CTC1: variants seen among roughly 807,000 people sequenced by gnomAD.
The protein encoded by CTC1 is CST telomere replication complex component 1.
In CTC1, 91 loss-of-function variants were observed where a neutral mutation model predicts 136.3. That is an observed-to-expected ratio of 0.67 (90% CI 0.56 to 0.79). CTC1 has a LOEUF of 0.79. Ranked by LOEUF, CTC1 falls within the 30% of genes least tolerant of loss-of-function variation. CTC1 has a pLI of 0.00. For missense variants in CTC1, 1,432 were observed against 1,498.1 expected, an observed-to-expected ratio of 0.96 and a Z score of 0.73; for synonymous variants, 606 against 613.8, an observed-to-expected ratio of 0.99 and a Z score of 0.19.
intron 10 of CTC1, 131 bp from the exon 11 acceptor site, chr17:8,233,163 A>C: frequency 4.1e-6 from 4 of 984,796 alleles, no homozygotes; most frequent in Non-Finnish European, 4.5e-6. Context: ...GGCTTCAAAA[A>C]ACTTATATTC....
In CTC1 at chr17:8,248,041, C is replaced by T. The variant is rs932054674; in HGVS notation, c.-5G>A. The T allele has an allele frequency of 2.0e-6, 3 of 1,527,306 alleles. No individual in the cohort carries two copies. The highest frequency in any genetic ancestry group is 1.8e-5 in the Admixed American group (1 of 56,784). 94.6% of individuals were successfully genotyped at this position (1,527,306 alleles called of 1,614,324 possible). ...CTGGGCCCGGCCAGCCGCCATGATG[C>T]GCCGGAGCTCCGCCCCCGGGAGGGG... On this transcript the variant is annotated 5_prime_UTR_variant, in exon 1 of 23. Transcript: ENST00000651323.
At chr17:8,246,615 A>G (rs1330237330) in intron 1 of CTC1, among the ~76,000 whole-genome samples, 1 of 152,076 alleles carries the variant, frequency 6.6e-6, no homozygotes, top group Non-Finnish European at 1.5e-5. Flanking sequence ...GGCTGGGTGC[A>G]GTGGCTCACG....
chr17:8,242,579 T>TATATAC (rs1248128493), intron 2 of CTC1, among the ~76,000 whole-genome samples: 7 of 127,930 alleles, frequency 5.5e-5, no homozygotes, highest in African/African-American at 2.0e-4. Context: ...TATATATATA[T>TATATAC]ACACATATAT....
At chr17:8,240,160 T>TTC (rs1262667900) in intron 2 of CTC1, among the ~76,000 whole-genome samples, 1 of 151,098 alleles carries the variant, frequency 6.6e-6, no homozygotes, top group African/African-American at 2.4e-5. Context: ...CTGTCTCTTT[T>TTC]TTTTTTTTTT....
chr17:8,238,352 TG>T (rs753256099), intron 3 of CTC1, 39 bp downstream of exon 3: 2 of 1,586,982 alleles, frequency 1.3e-6, no homozygotes, highest in Admixed American at 1.7e-5. Flanking sequence ...ACACCATTCT[TG>T]TCAGGATCTG....
rs772472897 is a variant in CTC1 at position 8,231,279 on chromosome 17, T to A, written c.2666A>T (p.Asp889Val). 6.4e-7 allele frequency: 1 copy of A among 1,550,580 alleles called. No homozygotes were observed. The highest frequency in any genetic ancestry group is 1.2e-5 in the South Asian group (1 of 83,536). The change falls in exon 15 of 23, where the codon GAC becomes GTC. Residue 889 changes from aspartate (D) to valine (V), a missense_variant. Physicochemically the swap from Asp to Val is radical, Grantham distance 152. Transcript: ENST00000651323. Reference protein sequence around the residue: ...PESSLTDLLSDNFTDSLVSFS... With the variant: ...PESSLTDLLSVNFTDSLVSFS... ...GAGGGGCTTGGTGGACATTTACTTG[T>A]CACTGAGCAGGTCGGTCAGTGAGGA...
chr17:8,234,622 TG>T lies in CTC1; in HGVS notation c.1650del (p.Thr551LeufsTer5). On this transcript the variant is annotated frameshift_variant, in exon 10 of 23. Transcript: ENST00000651323. LOFTEE classifies it high-confidence loss of function. ...CCTTCTTCTTTCAGGGTGGCCAGAG[TG>T]GGGAAGGAGGAGGGAGTCTGCAGCC... ...YTRLQTPSSF[P>X]TLATLKEEGQ... is the part of the protein sequence containing the mutation. 6.2e-7 allele frequency: 1 copy of T among 1,612,400 alleles called. No homozygotes were observed.
chr17:8,230,001 G>A, intron 17 of CTC1, 33 bp from the exon 18 acceptor site: 17 of 1,602,936 alleles, frequency 1.1e-5, no homozygotes, highest in Non-Finnish European at 1.4e-5. Flanking sequence ...GAGTGACCAG[G>A]AAGACAAGGC....
Position 8,243,096 on chromosome 17 carries a change from G to A in CTC1, c.86C>T (p.Pro29Leu). 1 of 1,613,924 alleles carries A rather than the reference G, an allele frequency of 6.2e-7. No individual in the cohort carries two copies. Among genetic ancestry groups the A allele is most frequent in the Non-Finnish European group, 8.5e-7 (1 of 1,179,898 alleles). The change falls in exon 2 of 23, where the codon CCA (proline) becomes CTA (leucine). Residue 29 changes from proline to leucine, a missense_variant. By Grantham distance (98) the Pro-to-Leu change is moderately conservative. Transcript: ENST00000651323. ...CTGGACATTAGGCTCCTTGACAGCT[G>A]GACACAGGGTCTTTTGGATGAAGAC... Reference protein sequence around the residue: ...AQVFIQKTLCPAVKEPNVQLT... With the variant: ...AQVFIQKTLCLAVKEPNVQLT...
chr17:8,240,155 TC>T (rs1335105563), intron 2 of CTC1, among the ~76,000 whole-genome samples: 1 of 121,704 alleles, frequency 8.2e-6, no homozygotes, highest in Non-Finnish European at 1.9e-5. Flanking sequence ...GAGAACTGTC[TC>T]TTTTTTTTTT....
At position 8,239,089 on chromosome 17, in the gene CTC1, C is replaced by CAA. The variant is rs778191636; in HGVS notation, c.198-462_198-461dup. 8.2e-3 allele frequency among the ~76,000 whole-genome samples: 396 copies of CAA among 48,532 alleles called. 3 individuals carry two copies. The highest frequency in any genetic ancestry group is 0.024 in the African/African-American group (360 of 14,854). 31.8% of individuals were successfully genotyped at this position (48,532 alleles called of 152,430 possible). A position where few individuals can be genotyped will look rare whatever the true frequency, so the allele number is the denominator to read the frequency against. ...CTTGGGCAACAGAGTGAGACTGTCTCAAAAAAAAAAAAAAAAAAAAAGGAA... is the reference window on the plus strand; with the variant it reads ...CTTGGGCAACAGAGTGAGACTGTCTCAAAAAAAAAAAAAAAAAAAAAAAGGAA... On this transcript the variant is annotated intron_variant, in intron 2 of 22. Transcript: ENST00000651323.
Position 8,238,464 on chromosome 17 carries a change from C to T in CTC1, c.363G>A (p.Ser121=), listed in dbSNP as rs770555372. The T allele has an allele frequency of 2.2e-5, 36 of 1,613,990 alleles. No individual in the cohort carries two copies. The highest frequency in any genetic ancestry group is 2.5e-5 in the Non-Finnish European group (30 of 1,180,036). ...TCCTGCACTCTTGTTCCAAGTCTGCCGATAGGTCTGTTAGTGTCCCTAAAA... is the reference window on the plus strand; with the variant it reads ...TCCTGCACTCTTGTTCCAAGTCTGCTGATAGGTCTGTTAGTGTCCCTAAAA... ...LLLLGTLTDL[S]ADLEQECRNG... The change falls in exon 3 of 23, where the codon TCG becomes TCA. Residue 121 remains serine, a synonymous_variant. Coordinates refer to ENST00000651323, the MANE Select transcript of CTC1 (RefSeq NM_025099.6).
chr17:8,243,951 C>A (rs1988482398), intron 1 of CTC1, among the ~76,000 whole-genome samples: 1 of 152,144 alleles, frequency 6.6e-6, no homozygotes. Context: ...GCCTGTGCTT[C>A]CAGCTACTCG....
intron 1 of CTC1, among the ~76,000 whole-genome samples, chr17:8,247,177 G>C (rs138347025): frequency 0.012 from 1,867 of 151,224 alleles, 44 homozygotes; most frequent in African/African-American, 0.043. Context: ...TGCTTAGCAA[G>C]AGGTACAAAA....
Position 8,232,545 on chromosome 17 carries a change from C to T in CTC1, c.1946-70G>A. 2.3e-6 allele frequency: 3 copies of T among 1,296,682 alleles called. No homozygotes were observed. The South Asian group carries it at 3.8e-5, about 16-fold the overall frequency. The allele number at this position is 1,296,682 out of a possible 1,614,324, so 80.3% of individuals were successfully genotyped here. ...GGGGTGGGTTGCAAGGCAAACCATC[C>T]TACCGGCCTCACTACCCATCCCAGG... On this transcript the variant is annotated intron_variant, in intron 11 of 22. Coordinates refer to ENST00000651323, the MANE Select transcript of CTC1 (RefSeq NM_025099.6).
intron 1 of CTC1, among the ~76,000 whole-genome samples, chr17:8,245,731 C>T (rs1988623215): frequency 6.6e-6 from 1 of 152,030 alleles, no homozygotes; most frequent in Admixed American, 6.6e-5. Context: ...CCCAGTAGTT[C>T]ACTACTAGTC....
At chr17:8,240,801 G>A (rs1288488992) in intron 2 of CTC1, among the ~76,000 whole-genome samples, 1 of 152,030 alleles carries the variant, frequency 6.6e-6, no homozygotes. Flanking sequence ...GCTTGAATCT[G>A]GGAGGCGGAG....
At chr17:8,242,324 C>T (rs1988296997) in intron 2 of CTC1, among the ~76,000 whole-genome samples, 1 of 151,948 alleles carries the variant, frequency 6.6e-6, no homozygotes, top group Non-Finnish European at 1.5e-5. Context: ...TGAGCCACTG[C>T]ACCTGGCCAA....
rs946654422 is a variant in CTC1, at chr17:8,233,177, T to G, written c.1819-145A>C. The G allele has an allele frequency of 3.6e-6, 3 of 826,318 alleles. No homozygotes were observed. In the African/African-American group the frequency reaches 5.2e-5, roughly 14 times the overall value. 51.2% of individuals were successfully genotyped at this position (826,318 alleles called of 1,614,324 possible). ...TGGCTTCAAAAAACTTATATTCAAG[T>G]GGGGAAGACAGACATAAAAAAACAC... On this transcript the variant is annotated intron_variant, in intron 10 of 22. Transcript: ENST00000651323.
Sources: allele counts gnomAD v4.1 joint callset (sites outside exome capture counted in the v4.1 genomes callset), GRCh38; gene constraint gnomAD v4.1.1; transcripts MANE v1.5; gene names NCBI Gene and HGNC (gene_info 2026-07-23, HGNC 2026-07-21).